MYO7A: variants seen among roughly 807,000 people sequenced by gnomAD.
MYO7A encodes the protein myosin VIIA.
MYO7A carries 210 observed loss-of-function variants against 263.8 expected under a neutral mutation model. That is an observed-to-expected ratio of 0.80 (90% CI 0.71 to 0.89). MYO7A has a LOEUF of 0.89. Ranked by LOEUF, MYO7A falls within the 40% of genes least tolerant of loss-of-function variation. The pLI, the probability that MYO7A is intolerant of heterozygous loss-of-function variation, is 0.00. For synonymous variants in MYO7A, 1,239 were observed against 1,197.3 expected, an observed-to-expected ratio of 1.03 and a Z score of -0.72; for missense variants, 2,820 against 2,968.3, an observed-to-expected ratio of 0.95 and a Z score of 1.16.
Position 77,214,707 on chromosome 11 carries a change from G to C in MYO7A, c.*11G>C. The C allele has an allele frequency of 6.4e-7, 1 of 1,557,868 alleles. No individual in the cohort carries two copies. The highest frequency in any genetic ancestry group is 1.4e-5 in the African/African-American group (1 of 73,598). On this transcript the variant is annotated 3_prime_UTR_variant, in exon 49 of 49. Coordinates refer to ENST00000409709, the MANE Select transcript of MYO7A (RefSeq NM_000260.4). ...AGGAGCGGCAAGTGAACAGTCACGG[G>C]GAGGTGCTGGTTCCATGCCTGCTCT...
At chr11:77,153,022 G>A (rs1338385649) in intron 4 of MYO7A, among the ~76,000 whole-genome samples, 1 of 152,176 alleles carries the variant, frequency 6.6e-6, no homozygotes, top group African/African-American at 2.4e-5. Flanking sequence ...TGGACAGGGA[G>A]AGGATTTGGA....
chr11:77,130,730 C>G, intron 2 of MYO7A, 78 bp downstream of exon 2: 1 of 1,510,432 alleles, frequency 6.6e-7, no homozygotes, highest in African/African-American at 1.4e-5. Flanking sequence ...CCGTGGGACA[C>G]CCTCCCCAGG....
Position 77,138,567 on chromosome 11 carries a change from G to T in MYO7A, c.19-4142G>T, listed in dbSNP as rs1196046502. On this transcript the variant is annotated intron_variant, in intron 2 of 48. Coordinates refer to ENST00000409709, the MANE Select transcript of MYO7A (RefSeq NM_000260.4). The surrounding 1 kb of genome is among the most constrained non-coding windows in gnomAD (Gnocchi z 4.9). ...ACTGCGGCCCTAGGATGCCACCTGCGGTCTCTGACCTCCCCCAGTGTGAAC... is the reference window on the plus strand; with the variant it reads ...ACTGCGGCCCTAGGATGCCACCTGCTGTCTCTGACCTCCCCCAGTGTGAAC... Among the ~76,000 whole-genome samples, 2 of 152,184 alleles carry T rather than the reference G, an allele frequency of 1.3e-5. No individual in the cohort carries two copies. The highest frequency in any genetic ancestry group is 2.9e-5 in the Non-Finnish European group (2 of 68,012).
At chr11:77,204,281 G>A in intron 39 of MYO7A, 52 bp downstream of exon 39, 3 of 1,545,274 alleles carry the variant, frequency 1.9e-6, no homozygotes, top group Non-Finnish European at 2.6e-6. Context: ...TGCTGTGACG[G>A]GCAGCTCTTA....
intron 39 of MYO7A, 90 bp from the exon 40 acceptor site, chr11:77,205,372 G>A: frequency 7.0e-7 from 1 of 1,438,770 alleles, no homozygotes; most frequent in Non-Finnish European, 9.3e-7. Flanking sequence ...GAGCAGCTGA[G>A]GGGTACATGG....
chr11:77,155,559 A>G (rs1385749156), intron 4 of MYO7A, among the ~76,000 whole-genome samples: 1 of 152,244 alleles, frequency 6.6e-6, no homozygotes, highest in Non-Finnish European at 1.5e-5. Context: ...CAGCATTTGC[A>G]GAGTACCTAG....
At chr11:77,141,642 G>A (rs1174352354) in intron 2 of MYO7A, among the ~76,000 whole-genome samples, 2 of 152,160 alleles carry the variant, frequency 1.3e-5, no homozygotes, top group African/African-American at 4.8e-5. Context: ...TCGCCCATCA[G>A]GTCCTACCTC....
rs779828598 is a variant in MYO7A, at chr11:77,205,450, C to T, written c.5481-12C>T. The T allele has an allele frequency of 7.7e-6, 12 of 1,556,852 alleles. No individual in the cohort carries two copies. The highest frequency in any genetic ancestry group is 1.7e-4 in the Middle Eastern group (1 of 5,986). The stretch of plus-strand genomic sequence containing the variant: ...CAGCTGCCCCTGCTGGAGCCCACGC[C>T]TCCTCCTGCAGGTACAGCGAGGAGC... On this transcript the variant is annotated splice_polypyrimidine_tract_variant and intron_variant, in intron 39 of 48. Transcript: ENST00000409709.
rs575263610 is a variant in MYO7A, at chr11:77,140,422, G to T, written c.19-2287G>T. ...AGACCTGGGCTTCAGTCCTGGCTCT[G>T]CCACAAAACAGCTGTGTGACCTTGG... On this transcript the variant is annotated intron_variant, in intron 2 of 48. Coordinates refer to ENST00000409709, the MANE Select transcript of MYO7A (RefSeq NM_000260.4). Among the ~76,000 whole-genome samples the T allele has an allele frequency of 3.3e-5, 5 of 152,366 alleles. No individual in the cohort carries two copies. In the South Asian group the frequency reaches 1.0e-3, roughly 32 times the overall value.
chr11:77,177,595 C>T lies in MYO7A; in HGVS notation c.2234C>T (p.Thr745Ile). Reference protein sequence around the residue: ...LLEVERDKAITDRVILLQKVI... With the variant: ...LLEVERDKAIIDRVILLQKVI... ...GAAGTGGAGCGGGACAAAGCCATCA[C>T]CGACAGAGTCATCCTCCTTCAGAAA... The change falls in exon 19 of 49, where the codon ACC becomes ATC. Residue 745 changes from threonine (T) to isoleucine (I), a missense_variant. Thr to Ile is a moderately conservative substitution (Grantham distance 89). Transcript: ENST00000409709. 1 of 1,612,256 alleles carries T rather than the reference C, an allele frequency of 6.2e-7. No individual in the cohort carries two copies. The highest frequency in any genetic ancestry group is 1.3e-5 in the African/African-American group (1 of 75,020).
intron 44 of MYO7A, 97 bp from the exon 45 acceptor site, chr11:77,211,055 G>A: frequency 2.5e-6 from 3 of 1,180,906 alleles, no homozygotes; most frequent in Non-Finnish European, 3.5e-6. Flanking sequence ...TGCGGGGTAA[G>A]GTGGTAGACC....
Position 77,159,419 on chromosome 11 carries a change from C to T in MYO7A, c.1004-28C>T, listed in dbSNP as rs1565349158. On this transcript the variant is annotated intron_variant, in intron 9 of 48. Transcript: ENST00000409709. ...GCCCCTGTTGCCCACCCTCCCTCCC[C>T]TGATGCTGTGCCCCTTGCTGCCAAC... 3.2e-6 allele frequency: 5 copies of T among 1,545,418 alleles called. No homozygotes were observed. The South Asian group carries it at 5.6e-5, about 17-fold the overall frequency.
chr11:77,174,064 G>A (rs1954391354), intron 16 of MYO7A, among the ~76,000 whole-genome samples: 1 of 151,900 alleles, frequency 6.6e-6, no homozygotes, highest in African/African-American at 2.4e-5. Context: ...GTTCTCAAAT[G>A]CAGACCTGGC....
At position 77,161,261 on chromosome 11, in the gene MYO7A, T is replaced by C. The variant is rs1591292063; in HGVS notation, c.1343+146T>C. The C allele has an allele frequency of 4.8e-6, 5 of 1,050,992 alleles. No homozygotes were observed. In the East Asian group the frequency reaches 1.3e-4, roughly 27 times the overall value. 65.1% of individuals were successfully genotyped at this position (1,050,992 alleles called of 1,614,324 possible). The stretch of plus-strand genomic sequence containing the variant: ...GTCATCACGGTGGACCCTCTCCCTT[T>C]CCTTCCCATCCCCTCGTGTCCCTCA... On this transcript the variant is annotated intron_variant, in intron 12 of 48. Coordinates refer to ENST00000409709, the MANE Select transcript of MYO7A (RefSeq NM_000260.4).
At chr11:77,174,016 T>C (rs1555078339) in intron 16 of MYO7A, among the ~76,000 whole-genome samples, 1 of 151,944 alleles carries the variant, frequency 6.6e-6, no homozygotes, top group Non-Finnish European at 1.5e-5. Context: ...CTGCCTCCCT[T>C]GCCTCCTGTC....
intron 4 of MYO7A, among the ~76,000 whole-genome samples, chr11:77,155,056 C>G (rs1952319527): frequency 6.6e-6 from 1 of 152,166 alleles, no homozygotes; most frequent in African/African-American, 2.4e-5. Flanking sequence ...ACATCCACTG[C>G]CAATTATGGT....
intron 38 of MYO7A, among the ~76,000 whole-genome samples, chr11:77,203,501 A>G (rs1185972176): frequency 6.6e-6 from 1 of 152,178 alleles, no homozygotes; most frequent in Non-Finnish European, 1.5e-5. Flanking sequence ...GACCATACAC[A>G]CATCCAGATC....
At position 77,181,472 on chromosome 11, in the gene MYO7A, G is replaced by A. The variant is rs536410625; in HGVS notation, c.2787G>A (p.Met929Ile). The A allele has an allele frequency of 3.7e-6, 6 of 1,612,286 alleles. No homozygotes were observed. The highest frequency in any genetic ancestry group is 5.1e-6 in the Non-Finnish European group (6 of 1,179,550). Reference sequence around the variant, plus strand: ...GGAAGAAGGAGCTCCTGGAGCAGATGGAAAGGGCCCGCCATGAGCCTGTCA... The same window carrying A: ...GGAAGAAGGAGCTCCTGGAGCAGATAGAAAGGGCCCGCCATGAGCCTGTCA... ...ARRKKELLEQ[M>I]ERARHEPVNH... Residue 929 changes from methionine (M) to isoleucine (I), a missense_variant, in exon 23 of 49, where the codon ATG becomes ATA. Met to Ile is a conservative substitution (Grantham distance 10). Transcript: ENST00000409709.
In MYO7A at chr11:77,192,078, C is replaced by T. The variant is rs1956126187; in HGVS notation, c.3952C>T (p.His1318Tyr). 1 of 1,613,570 alleles carries T rather than the reference C, an allele frequency of 6.2e-7. No individual in the cohort carries two copies. Among genetic ancestry groups the T allele is most frequent in the Non-Finnish European group, 8.5e-7 (1 of 1,179,886 alleles). The change falls in exon 31 of 49, where the codon CAC (histidine) becomes TAC (tyrosine). Residue 1318 changes from histidine to tyrosine, a missense_variant. His to Tyr is a moderately conservative substitution (Grantham distance 83, BLOSUM62 2). Transcript: ENST00000409709. ...KVSSLGSGSD[H>Y]VMDAISQCEQ... ...GTCCTCCCTGGGCAGCGGCAGTGAC[C>T]ACGTCATGGACGCCATCTCCCAGTG...
Sources: gnomAD v4.1 joint callset for allele counts (sites outside exome capture counted in the v4.1 genomes callset) on GRCh38, gnomAD v4.1.1 for gene constraint, Gnocchi (gnomAD v3.1) non-coding constraint, MANE v1.5 for transcripts, NCBI Gene and HGNC (gene_info 2026-07-23, HGNC 2026-07-21) for gene names.